The following PTPRD variants were observed in gnomAD, a reference collection of about 807,000 sequenced individuals.
The protein encoded by PTPRD is receptor-type tyrosine-protein phosphatase delta.
A neutral mutation model predicts 214.5 loss-of-function variants in PTPRD; 34 were observed. That is an observed-to-expected ratio of 0.16 (90% CI 0.12 to 0.21). The LOEUF (loss-of-function observed/expected upper bound fraction) is 0.21, where lower values mean the gene tolerates loss of function less well. Among genes scored for constraint, PTPRD ranks in the 10% least tolerant of loss-of-function variants. PTPRD has a pLI of 1.00. For synonymous variants in PTPRD, 1,128 were observed against 845.7 expected (o/e 1.33, Z -5.79); for missense variants, 2,545 against 2,398.7 (o/e 1.06, Z -1.27).
At chr9:8,912,867 A>T (rs891478918) in intron 11 of PTPRD, among the ~76,000 whole-genome samples, 5 of 152,134 alleles carry the variant, frequency 3.3e-5, no homozygotes, top group African/African-American at 1.2e-4. Context: ...GTAGAAACAG[A>T]GGTGTAAATA....
At chr9:10,609,669 T>C (rs1021973191) in intron 2 of PTPRD, among the ~76,000 whole-genome samples, 23 of 152,246 alleles carry the variant, frequency 1.5e-4, no homozygotes, top group African/African-American at 5.3e-4. Flanking sequence ...ACAGGAAAGA[T>C]ATCATGGCAT....
chr9:10,112,221 C>T (rs1195388315), intron 3 of PTPRD, among the ~76,000 whole-genome samples: 2 of 152,176 alleles, frequency 1.3e-5, no homozygotes, highest in African/African-American at 4.8e-5. Context: ...CAGAAGCCGA[C>T]TAGCCAGGAA....
chr9:8,897,523 C>G (rs957061979), intron 11 of PTPRD, among the ~76,000 whole-genome samples: 1 of 152,132 alleles, frequency 6.6e-6, no homozygotes, highest in Non-Finnish European at 1.5e-5. Flanking sequence ...GAACCTGGAC[C>G]TAGAGAGTTT....
intron 2 of PTPRD, among the ~76,000 whole-genome samples, chr9:10,496,688 G>T (rs188808040): frequency 3.3e-5 from 5 of 152,054 alleles, no homozygotes; most frequent in Admixed American, 3.3e-4. Context: ...GTTTTAATTT[G>T]CATTTCTCTG....
intron 8 of PTPRD, among the ~76,000 whole-genome samples, chr9:9,467,368 G>A (rs898655005): frequency 4.0e-5 from 6 of 150,514 alleles, no homozygotes; most frequent in African/African-American, 9.7e-5. Flanking sequence ...CTGATGGATC[G>A]TCTGAGGTCA....
At position 8,340,333 on chromosome 9, in the gene PTPRD, A is replaced by C; in HGVS notation, c.5253+10T>G. The C allele has an allele frequency of 3.1e-6, 5 of 1,596,574 alleles. No individual in the cohort carries two copies. The African/African-American group carries it at 4.0e-5, about 13-fold the overall frequency. On this transcript the variant is annotated intron_variant, in intron 42 of 45. Coordinates refer to ENST00000381196, the MANE Select transcript of PTPRD (RefSeq NM_002839.4). ...TCTTATGAGGAGACACACAAGGGCC[A>C]CACACTTACTCTGCCCATTTCACGC...
At chr9:8,951,280 A>T (rs2099100717) in intron 11 of PTPRD, among the ~76,000 whole-genome samples, 1 of 149,118 alleles carries the variant, frequency 6.7e-6, no homozygotes, top group South Asian at 2.1e-4. Context: ...TTCTTACCAC[A>T]TGGACCACTC....
At chr9:10,535,707 T>C (rs1397909398) in intron 2 of PTPRD, among the ~76,000 whole-genome samples, 1 of 152,080 alleles carries the variant, frequency 6.6e-6, no homozygotes, top group Non-Finnish European at 1.5e-5. Flanking sequence ...TCATTACATA[T>C]AAAACATCAT....
At chr9:9,265,938 G>C (rs1030310037) in intron 9 of PTPRD, among the ~76,000 whole-genome samples, 1 of 151,420 alleles carries the variant, frequency 6.6e-6, no homozygotes, top group Non-Finnish European at 1.5e-5. Flanking sequence ...AAGACAGAGT[G>C]GCTAAATGGT....
At chr9:10,524,134 G>C (rs943972276) in intron 2 of PTPRD, among the ~76,000 whole-genome samples, 3 of 151,908 alleles carry the variant, frequency 2.0e-5, no homozygotes, top group African/African-American at 4.8e-5. Flanking sequence ...TAAGGCCACC[G>C]ATCCTATAGA....
chr9:10,063,117 G>A (rs1408472919), intron 3 of PTPRD, among the ~76,000 whole-genome samples: 2 of 152,016 alleles, frequency 1.3e-5, no homozygotes, highest in African/African-American at 2.4e-5. Context: ...AGTAGGAATC[G>A]ACTGTACCAA....
intron 3 of PTPRD, among the ~76,000 whole-genome samples, chr9:10,284,508 C>A (rs1156403917): frequency 6.6e-6 from 1 of 152,172 alleles, no homozygotes; most frequent in Non-Finnish European, 1.5e-5. Context: ...TGTAAGAGAT[C>A]ACTTAATAGT....
chr9:10,102,701 T>G (rs1182827830), intron 3 of PTPRD, among the ~76,000 whole-genome samples: 1 of 151,624 alleles, frequency 6.6e-6, no homozygotes, highest in East Asian at 1.9e-4. Flanking sequence ...CTATCACTTT[T>G]GCCAATTCAC....
chr9:9,063,518 C>T (rs561404563), intron 10 of PTPRD, among the ~76,000 whole-genome samples: 1 of 152,248 alleles, frequency 6.6e-6, no homozygotes, highest in East Asian at 1.9e-4. Context: ...TCTTCCAACT[C>T]ACTATAATCT....
At chr9:9,302,192 CT>C (rs1346291333) in intron 9 of PTPRD, among the ~76,000 whole-genome samples, 1 of 151,814 alleles carries the variant, frequency 6.6e-6, no homozygotes, top group African/African-American at 2.4e-5. Flanking sequence ...ATAATTTCTT[CT>C]TTTTTTAAAT....
At chr9:9,787,723 G>T (rs2098935649) in intron 5 of PTPRD, among the ~76,000 whole-genome samples, 1 of 151,652 alleles carries the variant, frequency 6.6e-6, no homozygotes, top group Non-Finnish European at 1.5e-5. Context: ...CAAAAGAAAT[G>T]ACAAACAGTA....
At chr9:8,894,205 A>C (rs917269162) in intron 11 of PTPRD, among the ~76,000 whole-genome samples, 4 of 151,896 alleles carry the variant, frequency 2.6e-5, no homozygotes, top group Non-Finnish European at 4.4e-5. Context: ...AATACAAAAA[A>C]ATAGCCAGGT....
intron 3 of PTPRD, among the ~76,000 whole-genome samples, chr9:10,114,497 TCTCA>T (rs1233338220): frequency 1.3e-5 from 2 of 152,134 alleles, no homozygotes; most frequent in South Asian, 2.1e-4. Context: ...TCACTCTCTC[TCTCA>T]TTCTCTCTTC....
chr9:8,637,633 G>T (rs1009670259), intron 12 of PTPRD, among the ~76,000 whole-genome samples: 1 of 152,058 alleles, frequency 6.6e-6, no homozygotes, highest in Non-Finnish European at 1.5e-5. Context: ...TTTTCATCTT[G>T]TATTTCAAGA....
Sources: allele counts gnomAD v4.1 joint callset (sites outside exome capture counted in the v4.1 genomes callset), GRCh38; gene constraint gnomAD v4.1.1; transcripts MANE v1.5; gene names NCBI Gene and HGNC (gene_info 2026-07-23, HGNC 2026-07-21).